Variants in STPG4 observed in about 807,000 individuals in gnomAD.
STPG4 encodes protein STPG4.
A neutral mutation model predicts 31.5 loss-of-function variants in STPG4; 41 were observed. The ratio of observed to expected loss-of-function variants is 1.30; its 90% CI spans 1.01 to 1.69. The LOEUF (loss-of-function observed/expected upper bound fraction) is 1.69, where lower values mean the gene tolerates loss of function less well. Ranked by LOEUF, STPG4 falls within the 40% of genes most tolerant of loss-of-function variation. STPG4 has a pLI of 0.00. For missense variants in STPG4, 375 were observed against 293.4 expected, an observed-to-expected ratio of 1.28 and a Z score of -2.03; for synonymous variants, 141 against 103.0, an observed-to-expected ratio of 1.37 and a Z score of -2.24.
chr2:47,096,129 G>C (rs569254839), intron 5 of STPG4, among the ~76,000 whole-genome samples: 1 of 152,252 alleles, frequency 6.6e-6, no homozygotes, highest in South Asian at 2.1e-4. Context: ...AGTCCTCATC[G>C]ACCAAGTAGG....
chr2:47,090,005 C>G (rs1685536990), intron 6 of STPG4, among the ~76,000 whole-genome samples: 1 of 152,208 alleles, frequency 6.6e-6, no homozygotes, highest in Non-Finnish European at 1.5e-5. Context: ...GATTAATGTG[C>G]TGCTTCCAAC....
chr2:47,090,967 C>A (rs1453188524), intron 5 of STPG4, among the ~76,000 whole-genome samples: 1 of 152,130 alleles, frequency 6.6e-6, no homozygotes, highest in African/African-American at 2.4e-5. Flanking sequence ...GTTCAATGAG[C>A]AAACTTTGAG....
chr2:47,098,028 C>T (rs139564253), intron 5 of STPG4, among the ~76,000 whole-genome samples: 79 of 151,604 alleles, frequency 5.2e-4, no homozygotes, highest in African/African-American at 1.5e-3. Context: ...TTGCTTTTCA[C>T]GTGTGTATGA....
intron 5 of STPG4, among the ~76,000 whole-genome samples, chr2:47,116,558 G>A (rs901326610): frequency 6.6e-6 from 1 of 152,132 alleles, no homozygotes; most frequent in African/African-American, 2.4e-5. Flanking sequence ...CATAGCACAC[G>A]TGTTCCATGC....
chr2:47,152,984 T>C lies in STPG4; in HGVS notation c.114A>G (p.Arg38=). 1 of 1,612,146 alleles carries C rather than the reference T, an allele frequency of 6.2e-7. No homozygotes were observed. Among genetic ancestry groups the C allele is most frequent in the Non-Finnish European group, 8.5e-7 (1 of 1,178,906 alleles). ...TTAATGCTATTCTCCACCATCCTTC[T>C]CTTTCAAAAGAGGAAGTCTTTTGGG... ...KPAQKTSSFE[R]EGWWRIALTD... Residue 38 remains arginine (R), a synonymous_variant, in exon 2 of 7, where the codon AGA becomes AGG. Transcript: ENST00000445927.
At chr2:47,099,810 G>T (rs976226993) in intron 5 of STPG4, among the ~76,000 whole-genome samples, 4 of 152,374 alleles carry the variant, frequency 2.6e-5, no homozygotes, top group East Asian at 1.9e-4. Flanking sequence ...TGGGCTTGGT[G>T]GGCCCCACAC....
At chr2:47,114,813 G>C (rs1161380299) in intron 5 of STPG4, among the ~76,000 whole-genome samples, 1 of 151,888 alleles carries the variant, frequency 6.6e-6, no homozygotes, top group Non-Finnish European at 1.5e-5. Context: ...TGTCACCCAG[G>C]CTGGAGTGCA....
chr2:47,143,951 T>C (rs944710283), intron 3 of STPG4, among the ~76,000 whole-genome samples: 3 of 152,212 alleles, frequency 2.0e-5, no homozygotes, highest in Non-Finnish European at 4.4e-5. Flanking sequence ...TTTTTTGCAT[T>C]GACTGACCTT....
chr2:47,092,094 A>G (rs1267667768), intron 5 of STPG4, among the ~76,000 whole-genome samples: 1 of 86,468 alleles, frequency 1.2e-5, no homozygotes, highest in African/African-American at 4.2e-5. Context: ...TTCTTGGGGT[A>G]GTGGTGTGTT....
intron 3 of STPG4, among the ~76,000 whole-genome samples, chr2:47,141,657 A>G (rs1324706462): frequency 3.3e-5 from 5 of 151,756 alleles, no homozygotes; most frequent in African/African-American, 1.2e-4. Flanking sequence ...CATCTTTGCT[A>G]CATTATGCTC....
Position 47,141,045 on chromosome 2 carries a change from G to A in STPG4, c.399+10213C>T, listed in dbSNP as rs146789393. On this transcript the variant is annotated intron_variant, in intron 3 of 6. Coordinates refer to ENST00000445927, the MANE Select transcript of STPG4 (RefSeq NM_001163561.2). Reference sequence around the variant, plus strand: ...GTGACTACAGGTGTGTACCACCACGGCCAGCTAATTTCTGTATTTTTAGTA... The same window carrying A: ...GTGACTACAGGTGTGTACCACCACGACCAGCTAATTTCTGTATTTTTAGTA... Among the ~76,000 whole-genome samples, 25 of 151,858 alleles carry A rather than the reference G, an allele frequency of 1.6e-4. No individual in the cohort carries two copies. The East Asian group carries it at 4.8e-3, about 29-fold the overall frequency.
chr2:47,123,869 C>G (rs945797177), intron 5 of STPG4, among the ~76,000 whole-genome samples: 3 of 152,090 alleles, frequency 2.0e-5, no homozygotes, highest in Admixed American at 6.6e-5. Flanking sequence ...TTGATACAAG[C>G]ATACAATGTG....
chr2:47,102,794 G>T (rs907497668), intron 5 of STPG4, among the ~76,000 whole-genome samples: 2 of 151,792 alleles, frequency 1.3e-5, no homozygotes, highest in Non-Finnish European at 2.9e-5. Context: ...GGCCCAACCC[G>T]GGTACATGTC....
intron 3 of STPG4, among the ~76,000 whole-genome samples, chr2:47,136,182 G>C (rs1403824702): frequency 6.6e-6 from 1 of 151,472 alleles, no homozygotes; most frequent in East Asian, 1.9e-4. Context: ...TTTCACTCTT[G>C]TTGCCCAGGC....
chr2:47,155,153 A>AG lies in STPG4; in HGVS notation c.81+17dup. The AG allele has an allele frequency of 6.2e-7, 1 of 1,612,566 alleles. No homozygotes were observed. Among genetic ancestry groups the AG allele is most frequent in the Non-Finnish European group, 8.5e-7 (1 of 1,178,614 alleles). On this transcript the variant is annotated intron_variant, in intron 1 of 6. Coordinates refer to ENST00000445927, the MANE Select transcript of STPG4 (RefSeq NM_001163561.2). ...GAGGGGAGCAGGAGCCAGGCCGGCA[A>AG]GGGGCAGGCCATCTTACCGAAGCTG...
intron 5 of STPG4, among the ~76,000 whole-genome samples, chr2:47,111,496 T>C (rs1686035880): frequency 6.6e-6 from 1 of 152,162 alleles, no homozygotes; most frequent in Non-Finnish European, 1.5e-5. Flanking sequence ...AATGAAAGTT[T>C]TGCTTTGTCC....
chr2:47,087,756 T>C (rs1016859350), intron 6 of STPG4, among the ~76,000 whole-genome samples: 2 of 152,168 alleles, frequency 1.3e-5, no homozygotes, highest in East Asian at 1.9e-4. Flanking sequence ...TATTTATTTA[T>C]ATATTTTTTT....
At chr2:47,097,754 G>A (rs544888030) in intron 5 of STPG4, among the ~76,000 whole-genome samples, 12 of 152,252 alleles carry the variant, frequency 7.9e-5, no homozygotes, top group African/African-American at 2.6e-4. Flanking sequence ...TACAGCAGCA[G>A]GAATGGACTA....
intron 6 of STPG4, among the ~76,000 whole-genome samples, chr2:47,088,884 G>C (rs1685512793): frequency 6.6e-6 from 1 of 152,204 alleles, no homozygotes; most frequent in Non-Finnish European, 1.5e-5. Context: ...TGCATGTGGA[G>C]TCCTGGGAGG....
Sources: allele counts gnomAD v4.1 joint callset (sites outside exome capture counted in the v4.1 genomes callset), GRCh38; gene constraint gnomAD v4.1.1; transcripts MANE v1.5; gene names NCBI Gene and HGNC (gene_info 2026-07-23, HGNC 2026-07-21).